Variants in ATP11A observed in about 807,000 individuals in gnomAD.
ATP11A encodes the protein phospholipid-transporting ATPase IH.
A neutral mutation model predicts 154.4 loss-of-function variants in ATP11A; 81 were observed. That is an observed-to-expected ratio of 0.52 (90% CI 0.44 to 0.63). The LOEUF (loss-of-function observed/expected upper bound fraction) is 0.63. ATP11A is among the 30% of genes least tolerant of loss of function. The probability of loss-of-function intolerance (pLI) is 0.00; values close to 1 mark genes in which losing one functional copy is unlikely to be tolerated. For missense variants in ATP11A, 1,316 were observed against 1,474.3 expected (o/e 0.89, Z 1.76); for synonymous variants, 623 against 585.9 (o/e 1.06, Z -0.91).
chr13:112,731,002 C>G (rs1455172690), intron 1 of ATP11A, among the ~76,000 whole-genome samples: 1 of 152,152 alleles, frequency 6.6e-6, no homozygotes, highest in Non-Finnish European at 1.5e-5. Flanking sequence ...GTGGCGCGAT[C>G]TCTGCTCATT....
chr13:112,877,037 G>T (rs1174519325), intron 28 of ATP11A, among the ~76,000 whole-genome samples: 1 of 152,248 alleles, frequency 6.6e-6, no homozygotes, highest in Non-Finnish European at 1.5e-5. Flanking sequence ...TCCTGCCACA[G>T]TTTGTAAAAT....
Position 112,882,767 on chromosome 13 carries a change from AC to A in ATP11A, c.*902del. 1 of 399,484 alleles carries A rather than the reference AC, an allele frequency of 2.5e-6. No individual in the cohort carries two copies. Among genetic ancestry groups the A allele is most frequent in the Non-Finnish European group, 4.4e-6 (1 of 226,824 alleles). 24.7% of individuals were successfully genotyped at this position (399,484 alleles called of 1,614,324 possible). On this transcript the variant is annotated 3_prime_UTR_variant, in exon 30 of 30. Transcript: ENST00000375645. This position sits in a 1 kb window ranked among gnomAD's most constrained non-coding sequence, Gnocchi z 5.1. The stretch of plus-strand genomic sequence containing the variant: ...GGCACGGAGCCGTCAGTCCACTGTT[AC>A]GGGAGAATGTTGATTTCGCGGGTGC...
At chr13:112,815,996 A>T in intron 5 of ATP11A, 87 bp from the exon 6 acceptor site, 1 of 1,565,128 alleles carries the variant, frequency 6.4e-7, no homozygotes, top group Non-Finnish European at 8.7e-7. Flanking sequence ...TGAATAGATG[A>T]GCAGCTTGAG....
At chr13:112,870,013 A>T (rs1173303482) in intron 25 of ATP11A, among the ~76,000 whole-genome samples, 1 of 152,066 alleles carries the variant, frequency 6.6e-6, no homozygotes, top group East Asian at 1.9e-4. Flanking sequence ...ACGCCCCAGA[A>T]ATGTCTCCAC....
At chr13:112,721,759 A>G (rs188258384) in intron 1 of ATP11A, among the ~76,000 whole-genome samples, 125 of 152,342 alleles carry the variant, frequency 8.2e-4, no homozygotes, top group African/African-American at 3.0e-3. Context: ...CCAGCGAATG[A>G]CATTGCATAT....
chr13:112,822,001 C>G (rs920358210), intron 8 of ATP11A, among the ~76,000 whole-genome samples: 1 of 152,148 alleles, frequency 6.6e-6, no homozygotes, highest in African/African-American at 2.4e-5. Context: ...GTAGACAGCC[C>G]CACTCTGCCT....
chr13:112,841,101 C>T (rs902184683), intron 16 of ATP11A, among the ~76,000 whole-genome samples: 2 of 152,282 alleles, frequency 1.3e-5, no homozygotes, highest in Non-Finnish European at 2.9e-5. Flanking sequence ...AACCAGCCGC[C>T]TGGCAGAGTG....
At chr13:112,743,629 G>C (rs1406844007) in intron 1 of ATP11A, among the ~76,000 whole-genome samples, 1 of 152,070 alleles carries the variant, frequency 6.6e-6, no homozygotes, top group Non-Finnish European at 1.5e-5. Context: ...GTGATAACCT[G>C]TGCGATGTTG....
At chr13:112,778,628 T>TGAGTAGCCGCTGGAGTGAG (rs1276351243) in intron 1 of ATP11A, among the ~76,000 whole-genome samples, 15,733 of 99,016 alleles carry the variant, frequency 0.16, 3,893 homozygotes, top group Middle Eastern at 0.23. Context: ...GCCACTGGAG[T>TGAGTAGCCGCTGGAGTGAG]GAGTAGCCGC....
At chr13:112,720,722 T>C (rs1889060754) in intron 1 of ATP11A, among the ~76,000 whole-genome samples, 1 of 152,134 alleles carries the variant, frequency 6.6e-6, no homozygotes, top group African/African-American at 2.4e-5. Flanking sequence ...CACGCCCGGC[T>C]AATTTTTGTA....
chr13:112,780,798 A>G (rs1271520472), intron 1 of ATP11A, among the ~76,000 whole-genome samples: 2 of 152,158 alleles, frequency 1.3e-5, no homozygotes, highest in African/African-American at 2.4e-5. Flanking sequence ...GTTACTTGAC[A>G]TAGACAGTTT....
intron 29 of ATP11A, 150 bp downstream of exon 29, chr13:112,878,453 A>G (rs1019352023): frequency 4.2e-6 from 3 of 714,288 alleles, no homozygotes; most frequent in Admixed American, 2.2e-5. Context: ...TCCCGCCACC[A>G]CTTACACCTT....
chr13:112,710,426 G>C (rs772665096), intron 1 of ATP11A, among the ~76,000 whole-genome samples: 2 of 152,140 alleles, frequency 1.3e-5, no homozygotes, highest in Non-Finnish European at 2.9e-5. Context: ...CCGCTCCCCA[G>C]AAAACAAGCG....
At chr13:112,834,749 T>C in intron 15 of ATP11A, 89 bp downstream of exon 15, 1 of 1,019,058 alleles carries the variant, frequency 9.8e-7, no homozygotes, top group Middle Eastern at 2.1e-4. Context: ...AAAAGACAAG[T>C]TCTCTATGTT....
At chr13:112,721,549 G>A (rs1489800248) in intron 1 of ATP11A, among the ~76,000 whole-genome samples, 1 of 152,170 alleles carries the variant, frequency 6.6e-6, no homozygotes, top group East Asian at 1.9e-4. Context: ...TCTTGGACTT[G>A]ACATCAAAGA....
chr13:112,851,999 A>C (rs545443626), intron 18 of ATP11A: 51 of 152,338 alleles, frequency 3.3e-4, no homozygotes, highest in African/African-American at 1.2e-3. Context: ...TAACTGGCAA[A>C]ATTACCAATT....
chr13:112,699,528 G>A (rs1566344919), intron 1 of ATP11A, among the ~76,000 whole-genome samples: 1 of 152,228 alleles, frequency 6.6e-6, no homozygotes, highest in South Asian at 2.1e-4. Context: ...TGCGCTTGGG[G>A]TTGGTGGTCC....
At chr13:112,776,990 ATCT>A (rs2077364872) in intron 1 of ATP11A, among the ~76,000 whole-genome samples, 1 of 152,156 alleles carries the variant, frequency 6.6e-6, no homozygotes, top group Non-Finnish European at 1.5e-5. Flanking sequence ...CGCATCGTAG[ATCT>A]TCTGAAACGC....
intron 1 of ATP11A, among the ~76,000 whole-genome samples, chr13:112,773,274 G>C (rs1166692465): frequency 6.6e-6 from 1 of 152,202 alleles, no homozygotes; most frequent in Non-Finnish European, 1.5e-5. Flanking sequence ...AAACCGCTTA[G>C]TGGTGGCCTG....
Sources: allele counts gnomAD v4.1 joint callset (sites outside exome capture counted in the v4.1 genomes callset), GRCh38; gene constraint gnomAD v4.1.1; non-coding constraint Gnocchi (gnomAD v3.1); transcripts MANE v1.5; gene names NCBI Gene and HGNC (gene_info 2026-07-23, HGNC 2026-07-21).